The following TMEM237 variants were observed in gnomAD, a reference collection of about 807,000 sequenced individuals.
TMEM237 encodes the protein amyotrophic lateral sclerosis 2 (juvenile) chromosome region, candidate 4.
In TMEM237, 51 loss-of-function variants were observed where a neutral mutation model predicts 59.1. That is an observed-to-expected ratio of 0.86 (90% CI 0.69 to 1.09). TMEM237 has a LOEUF of 1.09. Ranked by LOEUF, TMEM237 falls within the 50% of genes least tolerant of loss-of-function variation. The pLI is 0.00. For missense variants in TMEM237, 475 were observed against 478.3 expected, an observed-to-expected ratio of 0.99 and a Z score of 0.06; for synonymous variants, 140 against 166.1, an observed-to-expected ratio of 0.84 and a Z score of 1.21.
At chr2:201,641,489 T>C (rs1687416844) in intron 1 of TMEM237, among the ~76,000 whole-genome samples, 2 of 151,980 alleles carry the variant, frequency 1.3e-5, no homozygotes, top group South Asian at 2.1e-4. Flanking sequence ...TTCCTTTCCA[T>C]CTCTAGGCCA....
At chr2:201,625,898 T>C (rs1957754157) in intron 12 of TMEM237, 128 bp downstream of exon 12, 2 of 1,020,458 alleles carry the variant, frequency 2.0e-6, no homozygotes, top group Non-Finnish European at 2.7e-6. Flanking sequence ...TTCTCTCTTC[T>C]TGTATCATTT....
Position 201,643,274 on chromosome 2 carries a change from G to GCCCCCCCCC in TMEM237, c.42+84_42+85insGGGGGGGGG, listed in dbSNP as rs538213022. 3.3e-6 allele frequency: 4 copies of GCCCCCCCCC among 1,206,956 alleles called. No homozygotes were observed. Among genetic ancestry groups the GCCCCCCCCC allele is most frequent in the South Asian group, 1.3e-5 (1 of 74,094 alleles). The allele number at this position is 1,206,956 out of a possible 1,614,324, so 74.8% of individuals were successfully genotyped here. ...CCTTAGTGATTCCCAGCTCGTTGGCGCCCCCCCACACACACCCACCCCCAC... is the reference window on the plus strand; with the variant it reads ...CCTTAGTGATTCCCAGCTCGTTGGCGCCCCCCCCCCCCCCCCACACACACCCACCCCCAC... On this transcript the variant is annotated intron_variant, in intron 1 of 12. Transcript: ENST00000409883. This position sits in a 1 kb window ranked among gnomAD's most constrained non-coding sequence, Gnocchi z 4.3.
chr2:201,631,993 A>G (rs919339765), intron 7 of TMEM237, 58 bp downstream of exon 7: 16 of 1,565,502 alleles, frequency 1.0e-5, no homozygotes, highest in Non-Finnish European at 1.4e-5. Context: ...AGAAGTATAA[A>G]GGATATCCTT....
At chr2:201,627,286 C>A in intron 11 of TMEM237, 35 bp downstream of exon 11, 1 of 1,460,624 alleles carries the variant, frequency 6.8e-7, no homozygotes, top group South Asian at 1.2e-5. Context: ...CTGTTATTGC[C>A]ATTAACAATT....
chr2:201,642,357 C>A (rs921308978), intron 1 of TMEM237, among the ~76,000 whole-genome samples: 1 of 152,140 alleles, frequency 6.6e-6, no homozygotes. Context: ...ACGAGGCAAG[C>A]TGCCGTAATA....
intron 1 of TMEM237, among the ~76,000 whole-genome samples, chr2:201,641,332 A>G (rs1038082482): frequency 6.6e-6 from 1 of 152,180 alleles, no homozygotes; most frequent in Non-Finnish European, 1.5e-5. Context: ...GACATGACAG[A>G]AAAATATAAT....
chr2:201,642,707 G>A (rs1197449073), intron 1 of TMEM237: 1 of 1,572,912 alleles, frequency 6.4e-7, no homozygotes, highest in Non-Finnish European at 8.6e-7. Context: ...GCGCGCGCAG[G>A]CGCAATGCGT....
chr2:201,622,711 C>A lies in TMEM237; in HGVS notation c.*1544G>T, dbSNP rs898914055. On this transcript the variant is annotated 3_prime_UTR_variant, in exon 13 of 13. Transcript: ENST00000409883. Reference sequence around the variant, plus strand: ...AATGTCCCCGTTTTAAGGTTCATAACCTTAATCATATCTGCAAATCCCTTT... The same window carrying A: ...AATGTCCCCGTTTTAAGGTTCATAAACTTAATCATATCTGCAAATCCCTTT... 3.3e-5 allele frequency: 5 copies of A among 152,438 alleles called. No homozygotes were observed. The highest frequency in any genetic ancestry group is 1.2e-4 in the African/African-American group (5 of 41,470). 9.4% of individuals were successfully genotyped at this position (152,438 alleles called of 1,614,324 possible). A position where few individuals can be genotyped will look rare whatever the true frequency, so the allele number is the denominator to read the frequency against.
At position 201,629,383 on chromosome 2, in the gene TMEM237, C is replaced by G. The variant is rs769694232; in HGVS notation, c.716G>C (p.Cys239Ser). Residue 239 changes from cysteine to serine, a missense_variant, in exon 9 of 13, where the codon TGT (cysteine) becomes TCT (serine). By Grantham distance (112) the Cys-to-Ser change is moderately radical. Transcript: ENST00000409883. ...TATCACAACAATATTCCACACAGCA[C>G]AGCCAGCCAAGAATCCATGAGAAAA... ...GLFSHGFLAG[C>S]AVWNIVVIYV... 2 of 1,592,158 alleles carry G rather than the reference C, an allele frequency of 1.3e-6. No homozygotes were observed. Among genetic ancestry groups the G allele is most frequent in the Admixed American group, 3.8e-5 (2 of 53,282 alleles).
In TMEM237 at chr2:201,640,284, C is replaced by T; in HGVS notation, c.75-19G>A. ...ACCTTGACTAACACGTCATATAACA[C>T]CAAACAAATTTAATCAGCAGGACAA... On this transcript the variant is annotated intron_variant, in intron 2 of 12. Coordinates refer to ENST00000409883, the MANE Select transcript of TMEM237 (RefSeq NM_001044385.3). The T allele has an allele frequency of 1.9e-6, 3 of 1,544,336 alleles. No homozygotes were observed. The highest frequency in any genetic ancestry group is 2.6e-6 in the Non-Finnish European group (3 of 1,155,698).
intron 6 of TMEM237, among the ~76,000 whole-genome samples, chr2:201,633,056 G>A (rs1687208905): frequency 2.0e-5 from 3 of 150,690 alleles, no homozygotes; most frequent in Non-Finnish European, 4.4e-5. Flanking sequence ...TTCTATTTGT[G>A]TTCTTCTTTT....
chr2:201,629,607 C>T (rs1207194540), intron 8 of TMEM237, 122 bp downstream of exon 8: 7 of 1,389,084 alleles, frequency 5.0e-6, no homozygotes, highest in South Asian at 1.5e-5. Context: ...AAAAATATAC[C>T]TACCTACCAT....
intron 9 of TMEM237, among the ~76,000 whole-genome samples, chr2:201,628,444 A>C (rs1002310531): frequency 1.3e-5 from 2 of 152,178 alleles, no homozygotes; most frequent in Non-Finnish European, 2.9e-5. Context: ...TCTATTACCC[A>C]TATCATTGGG....
At position 201,633,216 on chromosome 2, in the gene TMEM237, G is replaced by A. The variant is rs186696326; in HGVS notation, c.395+95C>T. Reference sequence around the variant, plus strand: ...CCTAGAGGTACACAAATACAAGTATGTAATAAGACTTAATGAGAAGCTACT... The same window carrying A: ...CCTAGAGGTACACAAATACAAGTATATAATAAGACTTAATGAGAAGCTACT... On this transcript the variant is annotated intron_variant, in intron 6 of 12. Transcript: ENST00000409883. 4.5e-4 allele frequency: 576 copies of A among 1,281,942 alleles called. 5 individuals carry two copies. The South Asian group carries it at 7.0e-3, about 16-fold the overall frequency. 79.4% of individuals were successfully genotyped at this position (1,281,942 alleles called of 1,614,324 possible). A position where few individuals can be genotyped will look rare whatever the true frequency, so the allele number is the denominator to read the frequency against.
chr2:201,642,483 G>T, intron 1 of TMEM237: 1 of 1,105,054 alleles, frequency 9.0e-7, no homozygotes, highest in South Asian at 1.6e-5. Context: ...TCACGTAACT[G>T]ATTTCAAAAG....
In TMEM237 at chr2:201,627,386, CAG is replaced by C. The variant is rs1237336879; in HGVS notation, c.970_971del (p.Leu324GlufsTer7). 3 of 1,604,776 alleles carry C rather than the reference CAG, an allele frequency of 1.9e-6. No homozygotes were observed. The highest frequency in any genetic ancestry group is 1.7e-6 in the Non-Finnish European group (2 of 1,175,368). ...FLYFTALILSLSQQMTSDRIH... is the reference protein window; with the variant it reads ...FLYFTALILSXSQQMTSDRIH... Reference sequence around the variant, plus strand: ...TTCTGTCACTTGTCATTTGCTGACTCAGAGATAGTATAAGAGCAGTAAAGTAC... The same window carrying C: ...TTCTGTCACTTGTCATTTGCTGACTCAGATAGTATAAGAGCAGTAAAGTAC... On this transcript the variant is annotated frameshift_variant, in exon 11 of 13. Coordinates refer to ENST00000409883, the MANE Select transcript of TMEM237 (RefSeq NM_001044385.3). LOFTEE classifies it high-confidence loss of function.
chr2:201,628,086 T>A lies in TMEM237; in HGVS notation c.933A>T (p.Leu311Phe). 4.4e-6 allele frequency: 7 copies of A among 1,607,560 alleles called. No individual in the cohort carries two copies. The highest frequency in any genetic ancestry group is 5.9e-6 in the Non-Finnish European group (7 of 1,176,730). ...AAACTGCTTACTCACAGAAAGATGCTAAAGCTGTAGGATCCAGGGCCAAAA... is the reference window on the plus strand; with the variant it reads ...AAACTGCTTACTCACAGAAAGATGCAAAAGCTGTAGGATCCAGGGCCAAAA... ...RNFLALDPTA[L>F]ASFLYFTALI... Residue 311 changes from leucine to phenylalanine, a missense_variant, in exon 10 of 13, where the codon TTA becomes TTT. Physicochemically the swap from Leu to Phe is conservative, Grantham distance 22 (BLOSUM62 0). Coordinates refer to ENST00000409883, the MANE Select transcript of TMEM237 (RefSeq NM_001044385.3).
intron 5 of TMEM237, chr2:201,634,757 T>C (rs1687262031): frequency 3.9e-6 from 1 of 259,348 alleles, no homozygotes; most frequent in Non-Finnish European, 8.3e-6. Flanking sequence ...TTCGTTCTCA[T>C]AGACCCTCAG....
intron 3 of TMEM237, 77 bp from the exon 4 acceptor site, chr2:201,639,122 A>G (rs988652030): frequency 7.4e-6 from 10 of 1,343,646 alleles, no homozygotes; most frequent in African/African-American, 1.5e-5. Context: ...GAGAACTTTT[A>G]AACAGGGAAG....
Sources: gnomAD v4.1 joint callset for allele counts (sites outside exome capture counted in the v4.1 genomes callset) on GRCh38, gnomAD v4.1.1 for gene constraint, Gnocchi (gnomAD v3.1) non-coding constraint, MANE v1.5 for transcripts, NCBI Gene and HGNC (gene_info 2026-07-23, HGNC 2026-07-21) for gene names.